BBS9: variants seen among roughly 807,000 people sequenced by gnomAD.
BBS9 encodes Bardet-Biedl syndrome 9.
In BBS9, 89 loss-of-function variants were observed where a neutral mutation model predicts 117.7. The ratio of observed to expected loss-of-function variants is 0.76; its 90% CI spans 0.64 to 0.90. The LOEUF is 0.90. BBS9 is among the 40% of genes least tolerant of loss of function. BBS9 has a pLI of 0.00. For missense variants in BBS9, 982 were observed against 1,042.2 expected, an observed-to-expected ratio of 0.94 and a Z score of 0.80; for synonymous variants, 379 against 370.9, an observed-to-expected ratio of 1.02 and a Z score of -0.25.
chr7:33,518,074 G>T (rs560078499), intron 20 of BBS9, among the ~76,000 whole-genome samples: 1 of 152,096 alleles, frequency 6.6e-6, no homozygotes, highest in South Asian at 2.1e-4. Context: ...TGTATTTACA[G>T]TATTGTATAG....
At chr7:33,399,357 G>A (rs147774424) in intron 19 of BBS9, among the ~76,000 whole-genome samples, 220 of 152,276 alleles carry the variant, frequency 1.4e-3, no homozygotes, top group African/African-American at 5.0e-3. Flanking sequence ...AGAATCACCA[G>A]AAACATTAGC....
At chr7:33,527,186 T>A in intron 20 of BBS9, among the ~76,000 whole-genome samples, 1 of 152,184 alleles carries the variant, frequency 6.6e-6, no homozygotes, top group Non-Finnish European at 1.5e-5. Context: ...CTGCAGAGGT[T>A]ACTGCTGTCT....
chr7:33,534,099 T>C lies in BBS9; in HGVS notation c.2444T>C (p.Leu815Pro). The C allele has an allele frequency of 2.5e-6, 4 of 1,614,196 alleles. No homozygotes were observed. Among genetic ancestry groups the C allele is most frequent in the Non-Finnish European group, 3.4e-6 (4 of 1,180,048 alleles). ...CAACTGAAGAAACATATCACCTTGCTCTGCGATAGATTATCCAAAGGTGGC... is the reference window on the plus strand; with the variant it reads ...CAACTGAAGAAACATATCACCTTGCCCTGCGATAGATTATCCAAAGGTGGC... The part of the protein sequence containing the change: ...TSQLKKHITL[L>P]CDRLSKGGRL... The change falls in exon 21 of 23, where the codon CTC (leucine) becomes CCC (proline). Residue 815 changes from leucine (L) to proline (P), a missense_variant. Physicochemically the swap from Leu to Pro is moderately conservative, Grantham distance 98 (BLOSUM62 -3). Coordinates refer to ENST00000242067, the MANE Select transcript of BBS9 (RefSeq NM_198428.3).
At chr7:33,573,252 G>A (rs1000741209) in intron 21 of BBS9, among the ~76,000 whole-genome samples, 1 of 152,050 alleles carries the variant, frequency 6.6e-6, no homozygotes, top group Non-Finnish European at 1.5e-5. Context: ...TAAGAAACCA[G>A]TATCTGAGTA....
At chr7:33,194,931 A>AT (rs1784706133) in intron 5 of BBS9, among the ~76,000 whole-genome samples, 1 of 152,108 alleles carries the variant, frequency 6.6e-6, no homozygotes, top group Non-Finnish European at 1.5e-5. Context: ...CATAATCACC[A>AT]TTTTTTCATA....
chr7:33,283,409 A>G (rs1444816746), intron 9 of BBS9, among the ~76,000 whole-genome samples: 1 of 151,990 alleles, frequency 6.6e-6, no homozygotes, highest in Admixed American at 6.6e-5. Context: ...TTATTTGTAT[A>G]TATTTGTTCT....
chr7:33,266,546 A>AT (rs1437985213), intron 7 of BBS9, among the ~76,000 whole-genome samples: 5 of 151,720 alleles, frequency 3.3e-5, no homozygotes, highest in Non-Finnish European at 5.9e-5. Context: ...AAGAATGTGT[A>AT]TTTTTTTTGT....
rs73314920 is a variant in BBS9, at chr7:33,424,145, A to T, written c.2115+36001A>T. Among the ~76,000 whole-genome samples, 494 of 152,294 alleles carry T rather than the reference A, an allele frequency of 3.2e-3. 2 individuals carry two copies. Among genetic ancestry groups the T allele is most frequent in the African/African-American group, 0.011 (473 of 41,550 alleles). On this transcript the variant is annotated intron_variant, in intron 19 of 22. Coordinates refer to ENST00000242067, the MANE Select transcript of BBS9 (RefSeq NM_198428.3). Reference sequence around the variant, plus strand: ...CACTATGTGTATTGTATATTTAAAAAAATTCTATCTTTTTGATTTCATGCT... The same window carrying T: ...CACTATGTGTATTGTATATTTAAAATAATTCTATCTTTTTGATTTCATGCT...
intron 17 of BBS9, among the ~76,000 whole-genome samples, chr7:33,368,588 A>ATG (rs1554445007): frequency 8.2e-5 from 10 of 122,026 alleles, no homozygotes; most frequent in Non-Finnish European, 1.6e-4. Context: ...ACACACACAC[A>ATG]CACACACACA....
At chr7:33,396,146 C>G (rs1827918960) in intron 19 of BBS9, among the ~76,000 whole-genome samples, 1 of 152,052 alleles carries the variant, frequency 6.6e-6, no homozygotes, top group African/African-American at 2.4e-5. Flanking sequence ...CATTTTTACC[C>G]TATAATTTTA....
At chr7:33,170,091 A>G (rs986869349) in intron 4 of BBS9, among the ~76,000 whole-genome samples, 1 of 151,860 alleles carries the variant, frequency 6.6e-6, no homozygotes, top group African/African-American at 2.4e-5. Flanking sequence ...AATCCTCCCT[A>G]ACTCATTTTA....
chr7:33,524,409 T>G (rs1849142882), intron 20 of BBS9, among the ~76,000 whole-genome samples: 1 of 152,202 alleles, frequency 6.6e-6, no homozygotes, highest in Non-Finnish European at 1.5e-5. Flanking sequence ...AACTATTGAT[T>G]ATTGCCACAA....
chr7:33,225,843 A>G (rs896956296), intron 5 of BBS9, among the ~76,000 whole-genome samples: 2 of 152,044 alleles, frequency 1.3e-5, no homozygotes, highest in African/African-American at 4.8e-5. Context: ...TTTAAAGGTA[A>G]ACTATATTAT....
At chr7:33,490,321 TTTTC>T (rs1843720811) in intron 19 of BBS9, among the ~76,000 whole-genome samples, 1 of 151,776 alleles carries the variant, frequency 6.6e-6, no homozygotes, top group Non-Finnish European at 1.5e-5. Flanking sequence ...GATCAATCTT[TTTTC>T]TTTTTCTTTT....
intron 20 of BBS9, among the ~76,000 whole-genome samples, chr7:33,526,063 G>A (rs1218176147): frequency 6.6e-6 from 1 of 151,586 alleles, no homozygotes; most frequent in Non-Finnish European, 1.5e-5. Flanking sequence ...CTTTAAGAAT[G>A]TTGAATATTG....
intron 15 of BBS9, among the ~76,000 whole-genome samples, chr7:33,356,551 A>G (rs570670837): frequency 6.6e-6 from 1 of 151,936 alleles, no homozygotes; most frequent in African/African-American, 2.4e-5. Flanking sequence ...GTAAAACTTG[A>G]TGGATAATAG....
intron 5 of BBS9, among the ~76,000 whole-genome samples, chr7:33,201,653 AC>A (rs1785887438): frequency 6.6e-6 from 1 of 152,096 alleles, no homozygotes; most frequent in South Asian, 2.1e-4. Context: ...GGGTAGGCTT[AC>A]CACAGGTCTG....
intron 5 of BBS9, among the ~76,000 whole-genome samples, chr7:33,231,428 C>CTTTTTTTTTTTTTTTTT (rs35407590): frequency 6.6e-5 from 7 of 106,370 alleles, no homozygotes; most frequent in African/African-American, 1.1e-4. Context: ...GCCTATGTGT[C>CTTTTTTTTTTTTTTTTT]TTTTTTTTTT....
chr7:33,310,926 T>G (rs1809087328), intron 9 of BBS9, among the ~76,000 whole-genome samples: 1 of 152,186 alleles, frequency 6.6e-6, no homozygotes, highest in South Asian at 2.1e-4. Context: ...TTCATGGAAC[T>G]TGTAGTGGGA....
Sources: gnomAD v4.1 joint callset for allele counts (sites outside exome capture counted in the v4.1 genomes callset) on GRCh38, gnomAD v4.1.1 for gene constraint, MANE v1.5 for transcripts, NCBI Gene and HGNC (gene_info 2026-07-23, HGNC 2026-07-21) for gene names.